The following DCC variants were observed in gnomAD, a reference collection of about 807,000 sequenced individuals.
The protein encoded by DCC is DCC netrin 1 receptor.
Under a neutral mutation model 172.5 loss-of-function variants are expected in DCC, and 58 were observed. The observed-to-expected ratio is 0.34, with a 90% CI of 0.27 to 0.42. The LOEUF is 0.42. DCC is among the 10% of genes least tolerant of loss of function. The probability of loss-of-function intolerance (pLI) is 1.00; values close to 1 mark genes in which losing one functional copy is unlikely to be tolerated. For missense variants in DCC, 1,740 were observed against 1,791.0 expected, an observed-to-expected ratio of 0.97 and a Z score of 0.51; for synonymous variants, 709 against 644.5, an observed-to-expected ratio of 1.10 and a Z score of -1.52.
rs536607777 is a variant in DCC at position 52,619,209 on chromosome 18, G to C, written c.92-132845G>C. On this transcript the variant is annotated intron_variant, in intron 1 of 28. Coordinates refer to ENST00000442544, the MANE Select transcript of DCC (RefSeq NM_005215.4). Reference sequence around the variant, plus strand: ...TGCCTCTGCTACCTTTCAACTTCTTGCCATTGTTTTAATCTACTAAGAGAT... The same window carrying C: ...TGCCTCTGCTACCTTTCAACTTCTTCCCATTGTTTTAATCTACTAAGAGAT... Among the ~76,000 whole-genome samples, 5 of 152,126 alleles carry C rather than the reference G, an allele frequency of 3.3e-5. No individual in the cohort carries two copies. In the South Asian group the frequency reaches 1.0e-3, roughly 32 times the overall value.
chr18:52,915,168 C>A (rs898417434), intron 3 of DCC, among the ~76,000 whole-genome samples: 1 of 151,962 alleles, frequency 6.6e-6, no homozygotes, highest in African/African-American at 2.4e-5. Flanking sequence ...GATTCAGTGC[C>A]GTAAATTTCA....
At position 52,906,051 on chromosome 18, in the gene DCC, G is replaced by T; in HGVS notation, c.420G>T (p.Leu140=). The change falls in exon 3 of 29, where the codon CTG becomes CTT. Residue 140 remains leucine, a synonymous_variant. Transcript: ENST00000442544. ...RTAKVAVAGP[L]RFLSQTESVT... ...TCTTTGTTTTTCTCCTAGGACCACT[G>T]AGGTTCCTTTCACAGACAGAATCTG... 6 of 1,606,460 alleles carry T rather than the reference G, an allele frequency of 3.7e-6. No individual in the cohort carries two copies. The highest frequency in any genetic ancestry group is 5.1e-6 in the Non-Finnish European group (6 of 1,173,006).
chr18:53,118,812 C>A (rs2043442881), intron 7 of DCC, among the ~76,000 whole-genome samples: 1 of 151,730 alleles, frequency 6.6e-6, no homozygotes, highest in Non-Finnish European at 1.5e-5. Context: ...CTATCTGACT[C>A]CAAAGCCTGT....
At chr18:52,895,220 C>T (rs1215101400) in intron 2 of DCC, among the ~76,000 whole-genome samples, 2 of 152,160 alleles carry the variant, frequency 1.3e-5, no homozygotes, top group South Asian at 2.1e-4. Context: ...AAATATCAGC[C>T]GTATTCACAA....
At chr18:52,523,818 C>A (rs1425737347) in intron 1 of DCC, among the ~76,000 whole-genome samples, 1 of 152,120 alleles carries the variant, frequency 6.6e-6, no homozygotes, top group African/African-American at 2.4e-5. Context: ...TTTATTAATA[C>A]CAGCAGGGAC....
At chr18:53,060,072 C>T (rs934166775) in intron 5 of DCC, among the ~76,000 whole-genome samples, 2 of 149,380 alleles carry the variant, frequency 1.3e-5, no homozygotes, top group East Asian at 1.9e-4. Context: ...GGCACAATAG[C>T]GGCTCACTGC....
chr18:53,030,850 C>T (rs1215513791), intron 5 of DCC, among the ~76,000 whole-genome samples: 3 of 152,128 alleles, frequency 2.0e-5, no homozygotes, highest in Non-Finnish European at 4.4e-5. Flanking sequence ...ATACATATAC[C>T]TGCACACTAG....
chr18:52,989,197 C>A (rs1191414426), intron 5 of DCC, among the ~76,000 whole-genome samples: 1 of 151,974 alleles, frequency 6.6e-6, no homozygotes, highest in Admixed American at 6.6e-5. Context: ...ATTTTGACCA[C>A]AATTTTATTT....
intron 1 of DCC, among the ~76,000 whole-genome samples, chr18:52,571,366 A>AT (rs2033287899): frequency 7.4e-6 from 1 of 135,288 alleles, no homozygotes; most frequent in Admixed American, 7.3e-5. Flanking sequence ...AAGGGCAAGC[A>AT]TGGGTCAGTG....
chr18:52,419,776 C>T (rs2144429810), intron 1 of DCC: 1 of 152,138 alleles, frequency 6.6e-6, no homozygotes, highest in Non-Finnish European at 1.5e-5. Context: ...TCCTTAATTT[C>T]TTATTAAAAC....
At chr18:53,449,487 C>A (rs2045378670) in intron 22 of DCC, among the ~76,000 whole-genome samples, 2 of 152,164 alleles carry the variant, frequency 1.3e-5, no homozygotes, top group South Asian at 4.1e-4. Context: ...AACCCGGTGG[C>A]TGCTTTTAGG....
At chr18:53,493,496 G>T (rs566790996) in intron 26 of DCC, among the ~76,000 whole-genome samples, 2 of 152,066 alleles carry the variant, frequency 1.3e-5, no homozygotes, top group Non-Finnish European at 2.9e-5. Flanking sequence ...TTTGAGATAC[G>T]TTCCATGTAT....
intron 12 of DCC, among the ~76,000 whole-genome samples, chr18:53,297,649 G>C (rs1292351983): frequency 6.6e-6 from 1 of 152,190 alleles, no homozygotes; most frequent in African/African-American, 2.4e-5. Flanking sequence ...GCTTTTGGTG[G>C]CTTGCTGAGG....
intron 5 of DCC, among the ~76,000 whole-genome samples, chr18:53,017,619 C>A (rs1218791412): frequency 6.6e-6 from 1 of 152,092 alleles, no homozygotes; most frequent in Non-Finnish European, 1.5e-5. Context: ...TTCTTAGGAA[C>A]AATGGTCCAT....
intron 24 of DCC, among the ~76,000 whole-genome samples, chr18:53,460,598 A>G (rs1474795643): frequency 6.6e-6 from 1 of 151,994 alleles, no homozygotes; most frequent in Non-Finnish European, 1.5e-5. Flanking sequence ...ATGTCCCTAC[A>G]AAGGACATGA....
intron 1 of DCC, among the ~76,000 whole-genome samples, chr18:52,511,640 A>G (rs2031444876): frequency 1.3e-5 from 2 of 152,190 alleles, no homozygotes; most frequent in African/African-American, 4.8e-5. Context: ...CAGCCCCCAT[A>G]ATAAACAATC....
intron 1 of DCC, among the ~76,000 whole-genome samples, chr18:52,658,350 A>AT (rs2035294229): frequency 2.0e-5 from 3 of 152,286 alleles, no homozygotes; most frequent in Middle Eastern, 3.4e-3. Context: ...TCATTGGTTT[A>AT]TTTTTTAAAA....
At chr18:52,747,557 G>C (rs1056127929) in intron 1 of DCC, among the ~76,000 whole-genome samples, 1 of 152,118 alleles carries the variant, frequency 6.6e-6, no homozygotes, top group Admixed American at 6.6e-5. Context: ...CACTTTGAAT[G>C]AACTCTGAGT....
chr18:53,368,776 C>T (rs2058031033), intron 15 of DCC, among the ~76,000 whole-genome samples: 2 of 151,850 alleles, frequency 1.3e-5, no homozygotes, highest in South Asian at 2.1e-4. Context: ...TTCTGGGTTC[C>T]CTATTCTATT....
Sources: gnomAD v4.1 joint callset for allele counts (sites outside exome capture counted in the v4.1 genomes callset) on GRCh38, gnomAD v4.1.1 for gene constraint, MANE v1.5 for transcripts, NCBI Gene and HGNC (gene_info 2026-07-23, HGNC 2026-07-21) for gene names.